Variants in C1QTNF3 observed in about 807,000 individuals in gnomAD.
The protein encoded by C1QTNF3 is C1q and TNF related 3, also known as complement C1q tumor necrosis factor-related protein 3.
A neutral mutation model predicts 32.6 loss-of-function variants in C1QTNF3; 26 were observed. The observed-to-expected ratio is 0.80, with a 90% confidence interval of 0.58 to 1.11. The LOEUF (loss-of-function observed/expected upper bound fraction) is 1.11. Ranked by LOEUF, C1QTNF3 falls within the 50% of genes least tolerant of loss-of-function variation. C1QTNF3 has a pLI of 0.00. For missense variants in C1QTNF3, 362 were observed against 398.2 expected, an observed-to-expected ratio of 0.91 and a Z score of 0.77; for synonymous variants, 155 against 146.0, an observed-to-expected ratio of 1.06 and a Z score of -0.44.
At chr5:34,189,169 C>T in the C1QTNF3 span, among the ~76,000 whole-genome samples, 1 of 149,912 alleles carries the variant, frequency 6.7e-6, no homozygotes, top group African/African-American at 2.5e-5. Flanking sequence ...TCCCAAAGTG[C>T]TAGGATTATA....
the C1QTNF3 span, among the ~76,000 whole-genome samples, chr5:34,176,898 T>C: frequency 7.1e-6 from 1 of 141,030 alleles, no homozygotes; most frequent in African/African-American, 2.5e-5. Context: ...AAAAATGAAA[T>C]TAAACTAAAC....
At chr5:34,243,126 A>C in the C1QTNF3 span, among the ~76,000 whole-genome samples, 1 of 152,074 alleles carries the variant, frequency 6.6e-6, no homozygotes, top group Non-Finnish European at 1.5e-5. Context: ...TGTACCCCAG[A>C]ACTTAAAATT....
chr5:34,102,399 A>G, the C1QTNF3 span, among the ~76,000 whole-genome samples: 1 of 152,006 alleles, frequency 6.6e-6, no homozygotes, highest in Non-Finnish European at 1.5e-5. Flanking sequence ...CAATAACTAT[A>G]CTTTCATTAG....
chr5:34,144,343 C>T, the C1QTNF3 span, among the ~76,000 whole-genome samples: 1 of 152,202 alleles, frequency 6.6e-6, no homozygotes, highest in African/African-American at 2.4e-5. Context: ...ACCCCAGTGA[C>T]AGCATTAGAC....
chr5:34,104,655 C>T, the C1QTNF3 span, among the ~76,000 whole-genome samples: 94 of 109,202 alleles, frequency 8.6e-4, 1 homozygote, highest in South Asian at 0.015. Flanking sequence ...CCTGCCTCAG[C>T]CTCCTGTGTA....
At chr5:34,127,281 C>G in the C1QTNF3 span, among the ~76,000 whole-genome samples, 1 of 152,020 alleles carries the variant, frequency 6.6e-6, no homozygotes, top group East Asian at 1.9e-4. Context: ...CAGAAGAAGA[C>G]GGGAAGATAT....
chr5:34,019,112 C>A lies in C1QTNF3; in HGVS notation c.*1471G>T, dbSNP rs774544619. On this transcript the variant is annotated 3_prime_UTR_variant, in exon 6 of 6. Transcript: ENST00000382065. ...CACTGCACTCCAGCCTGGGCAGCAG[C>A]GTGAAACTGTCTCAAAAAAAAAAAA... Among the ~76,000 whole-genome samples, 101 of 145,260 alleles carry A rather than the reference C, an allele frequency of 7.0e-4. 1 individual carries two copies. The highest frequency in any genetic ancestry group is 8.1e-4 in the Non-Finnish European group (54 of 66,932).
At chr5:34,206,562 TGCAACAAA>T in the C1QTNF3 span, among the ~76,000 whole-genome samples, 7 of 136,980 alleles carry the variant, frequency 5.1e-5, no homozygotes, top group Non-Finnish European at 1.1e-4. Context: ...GGTCTCGGCA[TGCAACAAA>T]ATTCAAAGTA....
the C1QTNF3 span, among the ~76,000 whole-genome samples, chr5:34,240,138 T>C: frequency 1.3e-5 from 2 of 151,002 alleles, no homozygotes; most frequent in Non-Finnish European, 3.0e-5. Flanking sequence ...GCTAAATCAG[T>C]GTTAAGAGGA....
the C1QTNF3 span, among the ~76,000 whole-genome samples, chr5:34,212,059 T>C: frequency 1.3e-5 from 2 of 152,014 alleles, no homozygotes; most frequent in Non-Finnish European, 2.9e-5. Flanking sequence ...AACAGAGATA[T>C]AGATCAATGG....
chr5:34,213,809 A>ATATATATATATATATATATT, the C1QTNF3 span, among the ~76,000 whole-genome samples: 2 of 4,938 alleles, frequency 4.1e-4, no homozygotes, highest in Non-Finnish European at 1.0e-3. Flanking sequence ...ATATATATAT[A>ATATATATATATATATATATT]TTTTTTTTTT....
At chr5:34,120,920 A>T in the C1QTNF3 span, among the ~76,000 whole-genome samples, 2 of 152,242 alleles carry the variant, frequency 1.3e-5, no homozygotes, top group East Asian at 1.9e-4. Context: ...TGAGCATGTG[A>T]TTCCTCATTT....
chr5:34,213,578 T>C, the C1QTNF3 span, among the ~76,000 whole-genome samples: 1 of 150,330 alleles, frequency 6.7e-6, no homozygotes, highest in Non-Finnish European at 1.5e-5. Context: ...AGAATACAGT[T>C]TGTAACCTGC....
chr5:34,112,525 C>T, the C1QTNF3 span, among the ~76,000 whole-genome samples: 1 of 151,672 alleles, frequency 6.6e-6, no homozygotes, highest in Non-Finnish European at 1.5e-5. Context: ...GTTAGCCAAG[C>T]CTGGTGGTAT....
chr5:34,043,314 C>T, upstream of C1QTNF3: 2 of 599,146 alleles, frequency 3.3e-6, no homozygotes, highest in Non-Finnish European at 2.9e-6. Context: ...GCAGAACAGC[C>T]CCCATTCATC....
upstream of C1QTNF3, among the ~76,000 whole-genome samples, chr5:34,044,769 A>G (rs576730067): frequency 1.3e-5 from 2 of 152,270 alleles, no homozygotes; most frequent in East Asian, 3.9e-4. Context: ...CCCACCTAGT[A>G]GGGCATAAAA....
At chr5:34,102,746 C>CA in the C1QTNF3 span, among the ~76,000 whole-genome samples, 1 of 150,870 alleles carries the variant, frequency 6.6e-6, no homozygotes, top group Non-Finnish European at 1.5e-5. Flanking sequence ...ATCGCAAGGA[C>CA]AAAAAACCAA....
At chr5:34,144,692 C>T in the C1QTNF3 span, among the ~76,000 whole-genome samples, 50 of 152,150 alleles carry the variant, frequency 3.3e-4, no homozygotes, top group Middle Eastern at 3.4e-3. Flanking sequence ...CTTCAGAGAA[C>T]ATCAAAATTA....
upstream of C1QTNF3, among the ~76,000 whole-genome samples, chr5:34,046,602 C>A (rs1754989862): frequency 1.3e-5 from 2 of 152,206 alleles, no homozygotes; most frequent in Admixed American, 1.3e-4. Flanking sequence ...TTAGGGGGAA[C>A]CAACCCTGCT....
Sources: allele counts gnomAD v4.1 joint callset (sites outside exome capture counted in the v4.1 genomes callset), GRCh38; gene constraint gnomAD v4.1.1; transcripts MANE v1.5; gene names NCBI Gene and HGNC (gene_info 2026-07-23, HGNC 2026-07-21).